Variants in ITGA4 observed in about 807,000 individuals in gnomAD.
The protein encoded by ITGA4 is integrin alpha-4.
ITGA4 carries 63 observed loss-of-function variants against 133.6 expected under a neutral mutation model. The observed-to-expected ratio is 0.47, with a 90% CI of 0.38 to 0.58. The LOEUF is 0.58. ITGA4 is among the 20% of genes least tolerant of loss of function. The pLI is 0.00. For missense variants in ITGA4, 1,076 were observed against 1,252.7 expected (o/e 0.86, Z 2.13); for synonymous variants, 483 against 438.0 (o/e 1.10, Z -1.28).
chr2:181,507,350 C>CAATTG lies in ITGA4; in HGVS notation c.1696-2303_1696-2299dup. Among the ~76,000 whole-genome samples the CAATTG allele has an allele frequency of 2.0e-5, 3 of 152,178 alleles. No individual in the cohort carries two copies. The Middle Eastern group carries it at 0.01, about 521-fold the overall frequency. On this transcript the variant is annotated intron_variant, in intron 15 of 27. Coordinates refer to ENST00000397033, the MANE Select transcript of ITGA4 (RefSeq NM_000885.6). ...TCGACATGTCTTACTTTAGGTTTCT[C>CAATTG]AATTGAATTCTGTTATAAATCCTCT...
At chr2:181,476,046 C>A in intron 4 of ITGA4, 2 of 669,022 alleles carry the variant, frequency 3.0e-6, no homozygotes, top group Non-Finnish European at 4.5e-6. Flanking sequence ...AAACTTTGGC[C>A]AAGTATTTGA....
At position 181,457,541 on chromosome 2, in the gene ITGA4, C is replaced by G. The variant is rs200400530; in HGVS notation, c.-114C>G. On this transcript the variant is annotated 5_prime_UTR_variant, in exon 1 of 28. Transcript: ENST00000397033. ...TCTCCTTCCTTTAGCCCGCTGGCGC[C>G]GGACACGCTGCGCCTCATCTCTTGG... The G allele has an allele frequency of 8.2e-6, 8 of 971,334 alleles. No homozygotes were observed. Among genetic ancestry groups the G allele is most frequent in the Non-Finnish European group, 1.2e-5 (8 of 666,468 alleles). The allele number at this position is 971,334 out of a possible 1,614,324, so 60.2% of individuals were successfully genotyped here.
In ITGA4 at chr2:181,523,610, A is replaced by G. The variant is rs968047909; in HGVS notation, c.2169+78A>G. 1 of 766,948 alleles carries G rather than the reference A, an allele frequency of 1.3e-6. No homozygotes were observed. Among genetic ancestry groups the G allele is most frequent in the Non-Finnish European group, 2.2e-6 (1 of 450,718 alleles). The allele number at this position is 766,948 out of a possible 1,614,324, so 47.5% of individuals were successfully genotyped here. ...ATTCTTCCCTATCTTTAGGTTGCAT[A>G]GAAAATATTATAAATATTTTAGCTT... On this transcript the variant is annotated intron_variant, in intron 19 of 27. Coordinates refer to ENST00000397033, the MANE Select transcript of ITGA4 (RefSeq NM_000885.6). The surrounding 1 kb of genome is among the most constrained non-coding windows in gnomAD (Gnocchi z 4.2).
intron 10 of ITGA4, among the ~76,000 whole-genome samples, chr2:181,488,715 C>CG (rs1352399773): frequency 6.6e-6 from 1 of 151,702 alleles, no homozygotes; most frequent in Admixed American, 6.6e-5. Flanking sequence ...CCCGCCACCA[C>CG]CCCAGCTAAT....
At chr2:181,513,319 G>T (rs900320161) in intron 17 of ITGA4, among the ~76,000 whole-genome samples, 1 of 151,860 alleles carries the variant, frequency 6.6e-6, no homozygotes, top group African/African-American at 2.4e-5. Flanking sequence ...ATGTCCTTTT[G>T]GTTGCCCTAT....
chr2:181,527,240 CTT>C, intron 21 of ITGA4, 55 bp from the exon 22 acceptor site: 2 of 1,033,172 alleles, frequency 1.9e-6, no homozygotes, highest in Admixed American at 3.6e-5. Context: ...GAAAAAGACT[CTT>C]TATAATACGT....
At chr2:181,496,005 T>C in intron 14 of ITGA4, 68 bp downstream of exon 14, 4 of 1,509,922 alleles carry the variant, frequency 2.6e-6, no homozygotes, top group Non-Finnish European at 3.6e-6. Context: ...CAATCCTGCT[T>C]GGAGCCCTCA....
chr2:181,495,546 AT>A lies in ITGA4; in HGVS notation c.1385+135del, dbSNP rs1336483247. ...TTGGTATTCTGAAGCTTAATTATTG[AT>A]TTTTAGGGTATTTTTTTCACCTTAC... is the stretch of plus-strand genomic sequence containing the variant. On this transcript the variant is annotated intron_variant, in intron 13 of 27. Coordinates refer to ENST00000397033, the MANE Select transcript of ITGA4 (RefSeq NM_000885.6). This position sits in a 1 kb window ranked among gnomAD's most constrained non-coding sequence, Gnocchi z 4.3. The A allele has an allele frequency of 1.0e-5, 8 of 768,876 alleles. No individual in the cohort carries two copies. The East Asian group carries it at 1.7e-4, about 17-fold the overall frequency. 47.6% of individuals were successfully genotyped at this position (768,876 alleles called of 1,614,324 possible).
At chr2:181,486,491 G>A (rs868750375) in intron 10 of ITGA4, among the ~76,000 whole-genome samples, 1 of 152,308 alleles carries the variant, frequency 6.6e-6, no homozygotes. Context: ...ATTCCCTATA[G>A]CTATGTTGTG....
chr2:181,463,261 ATTAC>A (rs934618049), intron 2 of ITGA4, among the ~76,000 whole-genome samples: 7 of 152,294 alleles, frequency 4.6e-5, no homozygotes, highest in African/African-American at 1.7e-4. Flanking sequence ...GCAGGCAGGA[ATTAC>A]TTCTGATACA....
Position 181,534,276 on chromosome 2 carries a change from A to T in ITGA4, c.2789A>T (p.Glu930Val), listed in dbSNP as rs1466935808. Reference sequence around the variant, plus strand: ...GATCCTTCTTTTATTAAACAGGATGAGACTTCAGCACTCAAGTTTGAAATA... The same window carrying T: ...GATCCTTCTTTTATTAAACAGGATGTGACTTCAGCACTCAAGTTTGAAATA... ...EGRPSILEMD[E>V]TSALKFEIRA... is the part of the protein sequence containing the mutation. The change falls in exon 26 of 28, where the codon GAG becomes GTG. Residue 930 changes from glutamate to valine, a missense_variant. Transcript: ENST00000397033. 2 of 1,588,918 alleles carry T rather than the reference A, an allele frequency of 1.3e-6. No homozygotes were observed. The highest frequency in any genetic ancestry group is 1.7e-6 in the Non-Finnish European group (2 of 1,157,412).
At chr2:181,497,261 T>G (rs1686175140) in intron 14 of ITGA4, among the ~76,000 whole-genome samples, 1 of 152,318 alleles carries the variant, frequency 6.6e-6, no homozygotes, top group South Asian at 2.1e-4. Flanking sequence ...TTAAAAATAG[T>G]TGAAGACAAA....
Position 181,511,735 on chromosome 2 carries a change from T to C in ITGA4, c.1882T>C (p.Ser628Pro), listed in dbSNP as rs200238285. ...AAGGTTTTGTGCCCATGAAAATTGT[T>C]CTGCTGATTTACAGGTTTCTGCAAA... ...FARFCAHENC[S>P]ADLQVSAKIG... The change falls in exon 17 of 28, where the codon TCT becomes CCT. Residue 628 changes from serine to proline, a missense_variant. Transcript: ENST00000397033. 1.6e-5 allele frequency: 26 copies of C among 1,600,224 alleles called. No homozygotes were observed. Among genetic ancestry groups the C allele is most frequent in the Non-Finnish European group, 2.1e-5 (24 of 1,168,012 alleles).
chr2:181,457,502 C>T lies in ITGA4; in HGVS notation c.-153C>T. The T allele has an allele frequency of 1.4e-6, 1 of 703,396 alleles. No homozygotes were observed. Among genetic ancestry groups the T allele is most frequent in the Non-Finnish European group, 2.3e-6 (1 of 443,434 alleles). The allele number at this position is 703,396 out of a possible 1,614,324, so 43.6% of individuals were successfully genotyped here. ...CTCCGCCCGCGGTGGGCCGACTTCC[C>T]CTCCTCTTCCCTCTCTCCTTCCTTT... On this transcript the variant is annotated 5_prime_UTR_variant, in exon 1 of 28. Transcript: ENST00000397033.
Position 181,538,149 on chromosome 2 carries a change from C to A in ITGA4, c.*2622C>A. The A allele has an allele frequency of 7.2e-7, 1 of 1,383,622 alleles. No homozygotes were observed. The highest frequency in any genetic ancestry group is 1.2e-5 in the South Asian group (1 of 85,888). 85.7% of individuals were successfully genotyped at this position (1,383,622 alleles called of 1,614,324 possible). A position where few individuals can be genotyped will look rare whatever the true frequency, so the allele number is the denominator to read the frequency against. ...GGCCACATTTCTTTATATTAAAATTCTAGTTTGTACATTTCTTTTAGAAAC... is the reference window on the plus strand; with the variant it reads ...GGCCACATTTCTTTATATTAAAATTATAGTTTGTACATTTCTTTTAGAAAC... On this transcript the variant is annotated 3_prime_UTR_variant, in exon 28 of 28. Coordinates refer to ENST00000397033, the MANE Select transcript of ITGA4 (RefSeq NM_000885.6).
Position 181,530,644 on chromosome 2 carries a change from C to A in ITGA4, c.2659C>A (p.Leu887Ile). Residue 887 changes from leucine to isoleucine, a missense_variant, in exon 24 of 28, where the codon CTA becomes ATA. This residue lies in a region of ITGA4 where 193 missense variants were observed against 172.3 expected (regional missense o/e 1.12). Transcript: ENST00000397033. ...VRFLSKTDKR[L>I]LYCIKADPHC... ...GTTCTTGTCCAAGACTGATAAGAGG[C>A]TATTGGTAAGTTTCAGTTTTTCAGG... 1 of 1,609,172 alleles carries A rather than the reference C, an allele frequency of 6.2e-7. No homozygotes were observed. Among genetic ancestry groups the A allele is most frequent in the Non-Finnish European group, 8.5e-7 (1 of 1,177,340 alleles).
intron 16 of ITGA4, among the ~76,000 whole-genome samples, chr2:181,510,125 TTAG>T (rs1686478654): frequency 6.6e-6 from 1 of 152,050 alleles, no homozygotes; most frequent in African/African-American, 2.4e-5. Context: ...TATTTACAAG[TTAG>T]TTATTCAGTG....
Position 181,463,468 on chromosome 2 carries a change from G to C in ITGA4, c.319+5151G>C, listed in dbSNP as rs567022751. On this transcript the variant is annotated intron_variant, in intron 2 of 27. Coordinates refer to ENST00000397033, the MANE Select transcript of ITGA4 (RefSeq NM_000885.6). The stretch of plus-strand genomic sequence containing the variant: ...TACAGATGACAAGTGTCTGTACAAG[G>C]ACACTGGCAATAGCAGTGGAGAAGA... Among the ~76,000 whole-genome samples, 7 of 152,228 alleles carry C rather than the reference G, an allele frequency of 4.6e-5. No individual in the cohort carries two copies. In the South Asian group the frequency reaches 1.4e-3, roughly 32 times the overall value.
rs373800499 is a variant in ITGA4, at chr2:181,509,915, C to T, written c.1845+108C>T. On this transcript the variant is annotated intron_variant, in intron 16 of 27. Transcript: ENST00000397033. Reference sequence around the variant, plus strand: ...CTATATGTCGGAATTTTTAAAAATACGAATTTTTAAAAACAAAAATAGATT... The same window carrying T: ...CTATATGTCGGAATTTTTAAAAATATGAATTTTTAAAAACAAAAATAGATT... 1,103 of 769,516 alleles carry T rather than the reference C, an allele frequency of 1.4e-3. 15 individuals carry two copies. In the South Asian group the frequency reaches 0.018, roughly 12 times the overall value. 47.7% of individuals were successfully genotyped at this position (769,516 alleles called of 1,614,324 possible).
Sources: allele counts gnomAD v4.1 joint callset (sites outside exome capture counted in the v4.1 genomes callset), GRCh38; gene constraint gnomAD v4.1.1; regional missense constraint gnomAD v4.1.1; non-coding constraint Gnocchi (gnomAD v3.1); transcripts MANE v1.5; gene names NCBI Gene and HGNC (gene_info 2026-07-23, HGNC 2026-07-21).